The following ATP2B1 variants were observed in gnomAD, a reference collection of about 807,000 sequenced individuals.
ATP2B1 encodes the protein ATPase plasma membrane Ca2+ transporting 1, also known as plasma membrane calcium-transporting ATPase 1.
In ATP2B1, 14 loss-of-function variants were observed where a neutral mutation model predicts 124.2. That is an observed-to-expected ratio of 0.11 (90% CI 0.07 to 0.18). ATP2B1 has a LOEUF of 0.18. ATP2B1 is among the 10% of genes least tolerant of loss of function. ATP2B1 has a pLI of 1.00. For missense variants in ATP2B1, 763 were observed against 1,466.1 expected (o/e 0.52, Z 7.83); for synonymous variants, 449 against 492.4 (o/e 0.91, Z 1.17).
intron 1 of ATP2B1, among the ~76,000 whole-genome samples, chr12:89,664,647 C>T (rs1275729697): frequency 1.3e-5 from 2 of 152,148 alleles, no homozygotes; most frequent in Admixed American, 6.5e-5. Flanking sequence ...CTGAGCCTCA[C>T]TCAGTTGATC....
chr12:89,690,341 G>C (rs1055101148), intron 1 of ATP2B1, among the ~76,000 whole-genome samples: 2 of 146,814 alleles, frequency 1.4e-5, no homozygotes, highest in African/African-American at 5.0e-5. Context: ...TTTTTTTTTG[G>C]AAGATTTATC....
intron 2 of ATP2B1, among the ~76,000 whole-genome samples, chr12:89,644,752 T>TATAA (rs1416924517): frequency 6.6e-6 from 1 of 152,168 alleles, no homozygotes; most frequent in Non-Finnish European, 1.5e-5. Flanking sequence ...ACTCACACTG[T>TATAA]ATAAAGACTA....
At chr12:89,598,469 C>T (rs1035095904) in intron 20 of ATP2B1, 11 of 1,224,378 alleles carry the variant, frequency 9.0e-6, no homozygotes, top group Admixed American at 5.2e-5. Context: ...ATCCACTTTA[C>T]GAAAAGAAAG....
At chr12:89,689,590 A>G (rs1276928621) in intron 1 of ATP2B1, among the ~76,000 whole-genome samples, 1 of 152,094 alleles carries the variant, frequency 6.6e-6, no homozygotes, top group Admixed American at 6.6e-5. Context: ...TAAAAACACT[A>G]AATTCCCAAT....
intron 7 of ATP2B1, 132 bp from the exon 8 acceptor site, chr12:89,626,747 G>T: frequency 1.0e-6 from 1 of 999,152 alleles, no homozygotes; most frequent in South Asian, 2.0e-5. Context: ...TTGTGAGTGT[G>T]TGTGTGTGTC....
At chr12:89,625,600 A>AAAG (rs1352591977) in intron 8 of ATP2B1, among the ~76,000 whole-genome samples, 1 of 150,238 alleles carries the variant, frequency 6.7e-6, no homozygotes, top group Non-Finnish European at 1.5e-5. Context: ...AAAAAAAAAA[A>AAAG]AAAAGAAAAG....
chr12:89,600,568 T>C (rs1453588113), intron 19 of ATP2B1, among the ~76,000 whole-genome samples: 1 of 152,154 alleles, frequency 6.6e-6, no homozygotes, highest in South Asian at 2.1e-4. Context: ...CAGGTAACAT[T>C]ATTTTTATAA....
At chr12:89,654,152 G>A (rs973351596) in intron 2 of ATP2B1, among the ~76,000 whole-genome samples, 1 of 152,124 alleles carries the variant, frequency 6.6e-6, no homozygotes, top group African/African-American at 2.4e-5. Flanking sequence ...AAGTCGGTTT[G>A]CATAATGAAC....
chr12:89,673,969 C>T (rs1285708221), intron 1 of ATP2B1, among the ~76,000 whole-genome samples: 2 of 152,178 alleles, frequency 1.3e-5, no homozygotes, highest in Non-Finnish European at 2.9e-5. Context: ...CTGTATACTG[C>T]ATACCTCAAT....
Position 89,599,781 on chromosome 12 carries a change from A to T in ATP2B1, c.3169-482T>A, listed in dbSNP as rs185698333. On this transcript the variant is annotated intron_variant, in intron 19 of 20. Coordinates refer to ENST00000428670, the MANE Select transcript of ATP2B1 (RefSeq NM_001366521.1). ...AATAGTTTTGTTACATATTTTTTTT[A>T]AAATGCAACAGTTTAAAATTGGATT... 2.0e-3 allele frequency among the ~76,000 whole-genome samples: 310 copies of T among 152,262 alleles called. 1 individual carries two copies. Among genetic ancestry groups the T allele is most frequent in the African/African-American group, 7.2e-3 (298 of 41,558 alleles).
chr12:89,703,665 T>G (rs924368327), intron 1 of ATP2B1, among the ~76,000 whole-genome samples: 2 of 152,110 alleles, frequency 1.3e-5, no homozygotes, highest in African/African-American at 4.8e-5. Context: ...CATTCTCTAA[T>G]AGTTTACAGT....
chr12:89,646,834 T>C (rs1047650179), intron 2 of ATP2B1, among the ~76,000 whole-genome samples: 2 of 152,146 alleles, frequency 1.3e-5, no homozygotes, highest in African/African-American at 4.8e-5. Context: ...TATTTGCATT[T>C]TTTTTTTTAA....
rs1885897227 is a variant in ATP2B1, at chr12:89,655,863, T to TGAG, written c.21_23dup (p.Ser8dup). 6.2e-7 allele frequency: 1 copy of TGAG among 1,601,450 alleles called. No homozygotes were observed. The highest frequency in any genetic ancestry group is 1.3e-5 in the African/African-American group (1 of 74,398). ...AGTTTTTCACACCACTGTAAGCAAC[T>TGAG]GAGTTGTTTGCCATGTCGCCCATTA... On this transcript the variant is annotated inframe_insertion, in exon 2 of 21. Coordinates refer to ENST00000428670, the MANE Select transcript of ATP2B1 (RefSeq NM_001366521.1).
intron 1 of ATP2B1, among the ~76,000 whole-genome samples, chr12:89,686,261 C>G (rs1398932465): frequency 2.0e-5 from 3 of 152,054 alleles, no homozygotes; most frequent in African/African-American, 7.2e-5. Context: ...AAAAGTATAT[C>G]CAGCTTAAGC....
intron 3 of ATP2B1, among the ~76,000 whole-genome samples, chr12:89,639,472 C>T (rs1365292289): frequency 2.6e-5 from 4 of 151,862 alleles, no homozygotes; most frequent in Non-Finnish European, 5.9e-5. Context: ...CCACTGCACT[C>T]CAGCCTGGGC....
At chr12:89,675,826 G>C (rs1592944326) in intron 1 of ATP2B1, among the ~76,000 whole-genome samples, 1 of 152,102 alleles carries the variant, frequency 6.6e-6, no homozygotes, top group Non-Finnish European at 1.5e-5. Context: ...TCTGGGGAAA[G>C]ATACTACTTT....
In ATP2B1 at chr12:89,616,566, C is replaced by T. The variant is rs1218828188; in HGVS notation, c.2067+236G>A. Among the ~76,000 whole-genome samples, 3 of 152,022 alleles carry T rather than the reference C, an allele frequency of 2.0e-5. No individual in the cohort carries two copies. In the East Asian group the frequency reaches 5.8e-4, roughly 29 times the overall value. On this transcript the variant is annotated intron_variant, in intron 12 of 20. Coordinates refer to ENST00000428670, the MANE Select transcript of ATP2B1 (RefSeq NM_001366521.1). ...TGAAAATTCTACCCACTTCAAGGCA[C>T]TGTGCTAGGTTATGGTGCTATGAAC...
intron 5 of ATP2B1, among the ~76,000 whole-genome samples, chr12:89,631,741 C>T (rs931597027): frequency 3.9e-5 from 6 of 152,044 alleles, no homozygotes; most frequent in African/African-American, 1.4e-4. Context: ...AATTCTATGT[C>T]CCGCAAAACA....
intron 1 of ATP2B1, among the ~76,000 whole-genome samples, chr12:89,681,048 T>C (rs1015745046): frequency 1.5e-4 from 23 of 152,294 alleles, no homozygotes; most frequent in African/African-American, 4.3e-4. Flanking sequence ...AGAGTGAAAT[T>C]CATCCAACTA....
Sources: gnomAD v4.1 joint callset for allele counts (sites outside exome capture counted in the v4.1 genomes callset) on GRCh38, gnomAD v4.1.1 for gene constraint, MANE v1.5 for transcripts, NCBI Gene and HGNC (gene_info 2026-07-23, HGNC 2026-07-21) for gene names.